SND1: variants seen among roughly 807,000 people sequenced by gnomAD.
SND1 encodes the protein staphylococcal nuclease domain-containing protein 1.
Under a neutral mutation model 121.7 loss-of-function variants are expected in SND1, and 38 were observed. That is an observed-to-expected ratio of 0.31 (90% CI 0.24 to 0.41). The LOEUF (loss-of-function observed/expected upper bound fraction) is 0.41. SND1 is among the 10% of genes least tolerant of loss of function. The pLI is 1.00. For synonymous variants in SND1, 401 were observed against 447.4 expected (o/e 0.90, Z 1.31); for missense variants, 868 against 1,184.6 (o/e 0.73, Z 3.92).
chr7:127,689,805 A>G (rs888251850), intron 2 of SND1, among the ~76,000 whole-genome samples: 11 of 151,928 alleles, frequency 7.2e-5, no homozygotes, highest in East Asian at 1.9e-4. Context: ...TAATAATCCA[A>G]TGTCTCCTCA....
rs2117021965 is a variant in SND1, at chr7:128,052,122, C to T, written c.1780-22380C>T. 6.6e-6 allele frequency among the ~76,000 whole-genome samples: 1 copy of T among 152,296 alleles called. No homozygotes were observed. The highest frequency in any genetic ancestry group is 2.4e-5 in the African/African-American group (1 of 41,556). On this transcript the variant is annotated intron_variant, in intron 16 of 23. Coordinates refer to ENST00000354725, the MANE Select transcript of SND1 (RefSeq NM_014390.4). The surrounding 1 kb of genome is among the most constrained non-coding windows in gnomAD (Gnocchi z 4.6). ...TTGCTTTGGGGAGGAAGCATTGGGA[C>T]AGATGACCTTCAGTTCAGTTGGAGT...
intron 20 of SND1, chr7:128,086,381 C>T (rs879361973): frequency 1.0e-4 from 18 of 180,824 alleles, no homozygotes; most frequent in Admixed American, 3.2e-4. Context: ...CCATGCCTTC[C>T]TCAAGTACTA....
In SND1 at chr7:128,085,742, C is replaced by T; in HGVS notation, c.2266C>T (p.Pro756Ser). Residue 756 changes from proline to serine, a missense_variant, in exon 20 of 24, where the codon CCT becomes TCT. Transcript: ENST00000354725. This position sits in a 1 kb window ranked among gnomAD's most constrained non-coding sequence, Gnocchi z 4.4. ...YRARVEKVESPAKIHVFYIDY... is the reference protein window; with the variant it reads ...YRARVEKVESSAKIHVFYIDY... ...TGCCCGAGTAGAGAAAGTCGAGTCTCCTGCCAAAATACATGTCTTCTACAT... is the reference window on the plus strand; with the variant it reads ...TGCCCGAGTAGAGAAAGTCGAGTCTTCTGCCAAAATACATGTCTTCTACAT... The T allele has an allele frequency of 1.9e-6, 3 of 1,614,136 alleles. No homozygotes were observed. Among genetic ancestry groups the T allele is most frequent in the Non-Finnish European group, 1.7e-6 (2 of 1,180,010 alleles).
At chr7:128,028,843 T>C (rs745799366) in intron 16 of SND1, 2 of 1,614,162 alleles carry the variant, frequency 1.2e-6, no homozygotes, top group Non-Finnish European at 1.7e-6. Flanking sequence ...TCATGAATTG[T>C]GGGCAGCACT....
chr7:128,061,030 G>A (rs1015548552), intron 16 of SND1, among the ~76,000 whole-genome samples: 3 of 152,202 alleles, frequency 2.0e-5, no homozygotes, highest in African/African-American at 4.8e-5. Context: ...GGAGAATGAG[G>A]CCACCCTGGC....
At chr7:127,798,259 A>G (rs961913730) in intron 10 of SND1, among the ~76,000 whole-genome samples, 4 of 152,138 alleles carry the variant, frequency 2.6e-5, no homozygotes, top group Non-Finnish European at 2.9e-5. Flanking sequence ...GACATTTGTA[A>G]TCAAGACTGT....
rs1795132134 is a variant in SND1 at position 127,652,202 on chromosome 7, C to G, written c.-172C>G. On this transcript the variant is annotated 5_prime_UTR_variant, in exon 1 of 24. Transcript: ENST00000354725. ...GGCGGCGGAGATCGCGTCTCTTTCG[C>G]TCCGTGTCCCGCTGCTGCTCCTGTG... 4.5e-6 allele frequency: 3 copies of G among 668,382 alleles called. No homozygotes were observed. The highest frequency in any genetic ancestry group is 1.6e-5 in the South Asian group (1 of 60,612). The allele number at this position is 668,382 out of a possible 1,614,324, so 41.4% of individuals were successfully genotyped here.
chr7:127,760,857 G>T (rs975955519), intron 10 of SND1, among the ~76,000 whole-genome samples: 4 of 152,150 alleles, frequency 2.6e-5, no homozygotes, highest in Non-Finnish European at 5.9e-5. Flanking sequence ...GGGCCATTTG[G>T]TGGTTGCTGG....
intron 11 of SND1, among the ~76,000 whole-genome samples, chr7:127,817,624 T>C (rs1453143081): frequency 3.9e-5 from 6 of 152,040 alleles, no homozygotes; most frequent in African/African-American, 1.4e-4. Flanking sequence ...CCATTTCCAG[T>C]CTGACTTCTG....
intron 1 of SND1, among the ~76,000 whole-genome samples, chr7:127,684,027 A>AT (rs2116298858): frequency 6.6e-6 from 1 of 152,216 alleles, no homozygotes; most frequent in African/African-American, 2.4e-5. Flanking sequence ...TTGTAGATCC[A>AT]TTGTCCCCAG....
chr7:128,064,434 G>A (rs1793279996), intron 16 of SND1, among the ~76,000 whole-genome samples: 1 of 152,170 alleles, frequency 6.6e-6, no homozygotes, highest in Admixed American at 6.5e-5. Flanking sequence ...AAAAAGAGGG[G>A]AAGAATCCAA....
chr7:127,768,402 C>T (rs960923153), intron 10 of SND1, among the ~76,000 whole-genome samples: 1 of 152,190 alleles, frequency 6.6e-6, no homozygotes, highest in Non-Finnish European at 1.5e-5. Flanking sequence ...GGCCACCAAA[C>T]TTGCTTTGTT....
chr7:127,747,742 AT>A (rs769716851), intron 10 of SND1, among the ~76,000 whole-genome samples: 5 of 152,178 alleles, frequency 3.3e-5, no homozygotes, highest in Non-Finnish European at 7.4e-5. Context: ...CACTATAATA[AT>A]TTTTAGCAGT....
chr7:127,997,419 A>G (rs1297988553), intron 16 of SND1: 1 of 309,032 alleles, frequency 3.2e-6, no homozygotes, highest in Non-Finnish European at 6.3e-6. Context: ...AGGAATTTGA[A>G]GAATTTGCTA....
At chr7:127,918,588 ATTC>A (rs1224840003) in intron 14 of SND1, among the ~76,000 whole-genome samples, 1 of 152,170 alleles carries the variant, frequency 6.6e-6, no homozygotes, top group Non-Finnish European at 1.5e-5. Flanking sequence ...TTACTGTGTT[ATTC>A]TTAACTATAC....
intron 10 of SND1, among the ~76,000 whole-genome samples, chr7:127,802,412 A>G (rs1477415653): frequency 2.0e-5 from 3 of 152,146 alleles, no homozygotes; most frequent in African/African-American, 7.2e-5. Flanking sequence ...TCATCAAACT[A>G]CCAATGACCC....
At chr7:128,075,538 C>A (rs919693739) in intron 17 of SND1, among the ~76,000 whole-genome samples, 1 of 152,214 alleles carries the variant, frequency 6.6e-6, no homozygotes, top group Non-Finnish European at 1.5e-5. Flanking sequence ...AGATTCTTCA[C>A]CAGCCCCAAG....
intron 10 of SND1, among the ~76,000 whole-genome samples, chr7:127,773,447 G>A (rs1186283163): frequency 4.1e-5 from 6 of 146,956 alleles, no homozygotes; most frequent in East Asian, 2.0e-4. Context: ...GCAAGACTCC[G>A]TCTCAAAAAA....
intron 9 of SND1, among the ~76,000 whole-genome samples, chr7:127,719,890 G>A (rs549291227): frequency 1.3e-5 from 2 of 152,148 alleles, no homozygotes; most frequent in South Asian, 4.1e-4. Context: ...CTGTTTGATG[G>A]CACTTAACTC....
Sources: gnomAD v4.1 joint callset for allele counts (sites outside exome capture counted in the v4.1 genomes callset) on GRCh38, gnomAD v4.1.1 for gene constraint, Gnocchi (gnomAD v3.1) non-coding constraint, MANE v1.5 for transcripts, NCBI Gene and HGNC (gene_info 2026-07-23, HGNC 2026-07-21) for gene names.